The following VIPR1 variants were observed in gnomAD, a reference collection of about 807,000 sequenced individuals.
The protein encoded by VIPR1 is vasoactive intestinal polypeptide receptor 1.
VIPR1 carries 59 observed loss-of-function variants against 58.8 expected under a neutral mutation model. The ratio of observed to expected loss-of-function variants is 1.00; its 90% CI spans 0.81 to 1.25. The LOEUF (loss-of-function observed/expected upper bound fraction) is 1.25. Among genes scored for constraint, VIPR1 ranks in the 50% most tolerant of loss-of-function variants. VIPR1 has a pLI of 0.00. For missense variants in VIPR1, 626 were observed against 602.7 expected, an observed-to-expected ratio of 1.04 and a Z score of -0.40; for synonymous variants, 251 against 242.1, an observed-to-expected ratio of 1.04 and a Z score of -0.34.
At chr3:42,503,077 C>T (rs550434629) in intron 1 of VIPR1, among the ~76,000 whole-genome samples, 1 of 152,212 alleles carries the variant, frequency 6.6e-6, no homozygotes, top group Admixed American at 6.5e-5. Flanking sequence ...AAGAGTGGGC[C>T]CCAGACTTGC....
rs145424099 is a variant in VIPR1 at position 42,526,614 on chromosome 3, G to A, written c.399+621G>A. Among the ~76,000 whole-genome samples the A allele has an allele frequency of 3.0e-4, 46 of 152,188 alleles. No homozygotes were observed. In the East Asian group the frequency reaches 4.5e-3, roughly 15 times the overall value. ...CACCCTCAGGCGCCCTTCTCAGACC[G>A]GGCTTTCACTCCACCCACCCCCGAG... On this transcript the variant is annotated intron_variant, in intron 4 of 12. Coordinates refer to ENST00000325123, the MANE Select transcript of VIPR1 (RefSeq NM_004624.4).
At chr3:42,527,361 C>A (rs1303184107) in intron 4 of VIPR1, 32 bp from the exon 5 acceptor site, 1 of 1,603,546 alleles carries the variant, frequency 6.2e-7, no homozygotes, top group African/African-American at 1.3e-5. Context: ...CCCACCCCAC[C>A]ACCCAAGAGC....
At chr3:42,507,975 G>GAAAAAAAAAAAAAAAAAAAAAAAA (rs1700196625) in intron 1 of VIPR1, 1 of 73,546 alleles carries the variant, frequency 1.4e-5, no homozygotes, top group Non-Finnish European at 2.5e-5. Context: ...AAAAAAAAAA[G>GAAAAAAAAAAAAAAAAAAAAAAAA]AATTTGCAGC....
intron 1 of VIPR1, chr3:42,512,337 T>G (rs1700400152): frequency 2.0e-5 from 3 of 152,248 alleles, no homozygotes; most frequent in Admixed American, 1.3e-4. Flanking sequence ...AGGACTTGGC[T>G]GTGCAGCTTC....
At chr3:42,518,952 C>T (rs1700769176) in intron 2 of VIPR1, among the ~76,000 whole-genome samples, 1 of 152,188 alleles carries the variant, frequency 6.6e-6, no homozygotes, top group Middle Eastern at 3.2e-3. Flanking sequence ...CTGCAACAGT[C>T]AAAACCACCA....
rs1553638536 is a variant in VIPR1, at chr3:42,523,091, C to CA, written c.293-2796_293-2795insA. Among the ~76,000 whole-genome samples the CA allele has an allele frequency of 1.6e-4, 25 of 151,656 alleles. 1 individual carries two copies. The highest frequency in any genetic ancestry group is 5.6e-4 in the African/African-American group (23 of 41,096). ...TCACTGTTGCATGCCCTGACCCCGC[C>CA]CCCAGTGGAGTGTCCTTCCCAGCAC... is the stretch of plus-strand genomic sequence containing the variant. On this transcript the variant is annotated intron_variant, in intron 3 of 12. Coordinates refer to ENST00000325123, the MANE Select transcript of VIPR1 (RefSeq NM_004624.4).
chr3:42,525,915 C>T lies in VIPR1; in HGVS notation c.321C>T (p.Asp107=), dbSNP rs769082854. The change falls in exon 4 of 13, where the codon GAC becomes GAT. Residue 107 remains aspartate (D), a synonymous_variant. Transcript: ENST00000325123. Reference sequence around the variant, plus strand: ...GCAATGTAAGCCGCAGCTGCACCGACGAAGGCTGGACGCACCTGGAGCCTG... The same window carrying T: ...GCAATGTAAGCCGCAGCTGCACCGATGAAGGCTGGACGCACCTGGAGCCTG... ...QGRNVSRSCT[D]EGWTHLEPGP... is the part of the protein sequence containing the mutation. 1.5e-5 allele frequency: 24 copies of T among 1,613,190 alleles called. No individual in the cohort carries two copies. The highest frequency in any genetic ancestry group is 1.9e-5 in the Non-Finnish European group (22 of 1,179,740).
chr3:42,496,475 T>C (rs571590736), intron 1 of VIPR1, among the ~76,000 whole-genome samples: 1 of 152,360 alleles, frequency 6.6e-6, no homozygotes, highest in East Asian at 1.9e-4. Context: ...TTTAGTTACA[T>C]ATACACATAG....
At chr3:42,510,608 A>G (rs1700315339) in intron 1 of VIPR1, among the ~76,000 whole-genome samples, 1 of 152,206 alleles carries the variant, frequency 6.6e-6, no homozygotes, top group Non-Finnish European at 1.5e-5. Flanking sequence ...ACCAGCGGTC[A>G]GAGACTTAGG....
intron 2 of VIPR1, among the ~76,000 whole-genome samples, chr3:42,518,944 G>C (rs1031552961): frequency 1.3e-5 from 2 of 152,168 alleles, no homozygotes; most frequent in Non-Finnish European, 2.9e-5. Flanking sequence ...CCCTATTGCT[G>C]CAACAGTCAA....
At chr3:42,512,840 T>C in intron 1 of VIPR1, 1 of 985,470 alleles carries the variant, frequency 1.0e-6, no homozygotes, top group African/African-American at 1.7e-5. Flanking sequence ...AGTCCAACGC[T>C]TCCTCCATGG....
At chr3:42,492,535 G>C (rs944585523) in intron 1 of VIPR1, 3 of 152,534 alleles carry the variant, frequency 2.0e-5, no homozygotes, top group African/African-American at 7.2e-5. Context: ...ATGGAGGTGA[G>C]GACCTGGGGA....
At chr3:42,522,694 G>A (rs1701013430) in intron 3 of VIPR1, among the ~76,000 whole-genome samples, 1 of 152,168 alleles carries the variant, frequency 6.6e-6, no homozygotes, top group South Asian at 2.1e-4. Context: ...CTCAGGGTGG[G>A]GAGCTGACAG....
At chr3:42,501,017 G>A (rs1257152532), upstream of VIPR1, among the ~76,000 whole-genome samples, 1 of 152,144 alleles carries the variant, frequency 6.6e-6, no homozygotes, top group Non-Finnish European at 1.5e-5. The surrounding 1 kb of genome is among the most constrained non-coding windows in gnomAD (Gnocchi z 4.8). Context: ...CACACAGAAA[G>A]AGATTAATAA....
rs540600773 is a variant in VIPR1, at chr3:42,531,383, C to T, written c.791-88C>T. 53 of 1,401,806 alleles carry T rather than the reference C, an allele frequency of 3.8e-5. No homozygotes were observed. The East Asian group carries it at 1.3e-3, about 34-fold the overall frequency. The allele number at this position is 1,401,806 out of a possible 1,614,324, so 86.8% of individuals were successfully genotyped here. On this transcript the variant is annotated intron_variant, in intron 7 of 12. Transcript: ENST00000325123. ...ACCCTTTTCTCTCTCCCTCCCTCTCCCTGCTTTTCTCCAAAATCTCTCCCT... is the reference window on the plus strand; with the variant it reads ...ACCCTTTTCTCTCTCCCTCCCTCTCTCTGCTTTTCTCCAAAATCTCTCCCT...
At chr3:42,528,272 CAA>C in intron 6 of VIPR1, 149 bp downstream of exon 6, 1 of 1,112,896 alleles carries the variant, frequency 9.0e-7, no homozygotes, top group Non-Finnish European at 1.2e-6. Flanking sequence ...AACCCCCACC[CAA>C]CCCCACCTGG....
In VIPR1 at chr3:42,513,669, C is replaced by T; in HGVS notation, c.79-80C>T. 3.5e-6 allele frequency: 5 copies of T among 1,411,686 alleles called. No homozygotes were observed. The Admixed American group carries it at 1.0e-4, about 28-fold the overall frequency. The allele number at this position is 1,411,686 out of a possible 1,614,324, so 87.4% of individuals were successfully genotyped here. A position where few individuals can be genotyped will look rare whatever the true frequency, so the allele number is the denominator to read the frequency against. ...ACTTGGATCTCTTCCAGGGAGAGGG[C>T]AGGTGCAGTCCAGAGACTGGGCCTG... is the stretch of plus-strand genomic sequence containing the variant. On this transcript the variant is annotated intron_variant, in intron 1 of 12. Coordinates refer to ENST00000325123, the MANE Select transcript of VIPR1 (RefSeq NM_004624.4).
chr3:42,508,683 C>T (rs917706419), intron 1 of VIPR1: 3 of 152,190 alleles, frequency 2.0e-5, no homozygotes, highest in Non-Finnish European at 4.4e-5. Flanking sequence ...TCTTTTGTGA[C>T]TCCTGGATCC....
At chr3:42,532,140 G>C in intron 9 of VIPR1, 102 bp from the exon 10 acceptor site, 1 of 1,214,808 alleles carries the variant, frequency 8.2e-7, no homozygotes, top group South Asian at 1.2e-5. Flanking sequence ...ATAGAGAGAG[G>C]GGCAGCAGGA....
Sources: gnomAD v4.1 joint callset for allele counts (sites outside exome capture counted in the v4.1 genomes callset) on GRCh38, gnomAD v4.1.1 for gene constraint, Gnocchi (gnomAD v3.1) non-coding constraint, MANE v1.5 for transcripts, NCBI Gene and HGNC (gene_info 2026-07-23, HGNC 2026-07-21) for gene names.